UNC5D: variants seen among roughly 807,000 people sequenced by gnomAD.
The protein encoded by UNC5D is unc-5 netrin receptor D, also known as netrin receptor UNC5D.
A neutral mutation model predicts 105.4 loss-of-function variants in UNC5D; 39 were observed. That is an observed-to-expected ratio of 0.37 (90% CI 0.29 to 0.48). The LOEUF (loss-of-function observed/expected upper bound fraction) is 0.48, where lower values mean the gene tolerates loss of function less well. Among genes scored for constraint, UNC5D ranks in the 20% least tolerant of loss-of-function variants. The pLI, the probability that UNC5D is intolerant of heterozygous loss-of-function variation, is 0.98. For synonymous variants in UNC5D, 452 were observed against 450.4 expected, an observed-to-expected ratio of 1.00 and a Z score of -0.04; for missense variants, 991 against 1,202.4, an observed-to-expected ratio of 0.82 and a Z score of 2.60.
chr8:35,562,526 T>A (rs1401406621), intron 2 of UNC5D, among the ~76,000 whole-genome samples: 1 of 152,118 alleles, frequency 6.6e-6, no homozygotes, highest in Admixed American at 6.6e-5. Flanking sequence ...ACAAAACATT[T>A]TAACTGGGGT....
At chr8:35,579,238 C>G (rs1026370767) in intron 3 of UNC5D, among the ~76,000 whole-genome samples, 9 of 152,170 alleles carry the variant, frequency 5.9e-5, no homozygotes, top group Non-Finnish European at 1.5e-5. Context: ...ATTTCACATC[C>G]TTCCACCAGC....
chr8:35,367,128 G>A (rs1158882586), intron 1 of UNC5D, among the ~76,000 whole-genome samples: 3 of 152,072 alleles, frequency 2.0e-5, no homozygotes, highest in Non-Finnish European at 4.4e-5. Context: ...ATCTCTCAGG[G>A]GATATAGTAA....
chr8:35,374,881 C>T (rs1056893740), intron 1 of UNC5D, among the ~76,000 whole-genome samples: 3 of 152,276 alleles, frequency 2.0e-5, no homozygotes, highest in South Asian at 2.1e-4. Context: ...GGAGGTAAGA[C>T]TAGTTTTAAT....
intron 1 of UNC5D, among the ~76,000 whole-genome samples, chr8:35,327,305 A>G (rs1212395076): frequency 6.6e-6 from 1 of 152,156 alleles, no homozygotes; most frequent in Non-Finnish European, 1.5e-5. Flanking sequence ...GGCCTTTCCA[A>G]ATGATTATAA....
At chr8:35,445,214 C>T (rs1807693114) in intron 1 of UNC5D, among the ~76,000 whole-genome samples, 1 of 152,044 alleles carries the variant, frequency 6.6e-6, no homozygotes, top group Non-Finnish European at 1.5e-5. Flanking sequence ...TCCCTCCACT[C>T]TGTCCACTCC....
intron 1 of UNC5D, among the ~76,000 whole-genome samples, chr8:35,345,973 T>G (rs1017487051): frequency 7.2e-5 from 11 of 152,196 alleles, no homozygotes; most frequent in African/African-American, 1.9e-4. Flanking sequence ...TCTCAGGTCA[T>G]GGCGTGTGTT....
chr8:35,280,261 G>A (rs1284303328), intron 1 of UNC5D, among the ~76,000 whole-genome samples: 1 of 152,114 alleles, frequency 6.6e-6, no homozygotes, highest in African/African-American at 2.4e-5. Context: ...CTCCCAAATT[G>A]CTGGGATTAC....
chr8:35,248,741 T>C (rs1284072428), intron 1 of UNC5D, among the ~76,000 whole-genome samples: 1 of 96,960 alleles, frequency 1.0e-5, no homozygotes, highest in South Asian at 3.3e-4. Context: ...ATATAATATA[T>C]ATAAAATATA....
chr8:35,538,440 T>TAC (rs1815030870), intron 1 of UNC5D, among the ~76,000 whole-genome samples: 1 of 123,186 alleles, frequency 8.1e-6, no homozygotes, highest in Non-Finnish European at 1.7e-5. Context: ...TATATATATA[T>TAC]GAATTTTATT....
At chr8:35,309,378 A>G (rs1808696916) in intron 1 of UNC5D, among the ~76,000 whole-genome samples, 4 of 152,142 alleles carry the variant, frequency 2.6e-5, no homozygotes, top group Admixed American at 2.6e-4. Flanking sequence ...TCACATCATC[A>G]TTTGCTCAGG....
intron 1 of UNC5D, among the ~76,000 whole-genome samples, chr8:35,438,677 G>C (rs1449924590): frequency 6.6e-6 from 1 of 151,544 alleles, no homozygotes; most frequent in Non-Finnish European, 1.5e-5. Flanking sequence ...TCTGGCCTTC[G>C]CATAAATTTG....
At chr8:35,630,649 C>T (rs1050219598) in intron 4 of UNC5D, among the ~76,000 whole-genome samples, 7 of 152,040 alleles carry the variant, frequency 4.6e-5, no homozygotes, top group Non-Finnish European at 8.8e-5. Context: ...ATTTTAGGGC[C>T]GTACATACCC....
intron 1 of UNC5D, among the ~76,000 whole-genome samples, chr8:35,518,020 A>G (rs1203472097): frequency 6.6e-6 from 1 of 152,176 alleles, no homozygotes; most frequent in Non-Finnish European, 1.5e-5. Context: ...CTTTGGGATT[A>G]AGATTTCAAC....
intron 7 of UNC5D, among the ~76,000 whole-genome samples, chr8:35,700,316 A>C (rs1827099743): frequency 6.6e-6 from 1 of 151,826 alleles, no homozygotes; most frequent in Admixed American, 6.6e-5. Flanking sequence ...TGTTCCCCCC[A>C]TCTTTTTCTT....
At chr8:35,572,944 C>T (rs1274283494) in intron 3 of UNC5D, among the ~76,000 whole-genome samples, 1 of 151,990 alleles carries the variant, frequency 6.6e-6, no homozygotes, top group Non-Finnish European at 1.5e-5. Flanking sequence ...GCTGGGACTA[C>T]AGGCGCCCGC....
chr8:35,472,531 G>A (rs1809804529), intron 1 of UNC5D, among the ~76,000 whole-genome samples: 1 of 152,080 alleles, frequency 6.6e-6, no homozygotes, highest in Non-Finnish European at 1.5e-5. Context: ...GTGTTTTTAG[G>A]GGAAATCAAG....
intron 1 of UNC5D, among the ~76,000 whole-genome samples, chr8:35,398,047 A>C (rs1246635305): frequency 6.6e-6 from 1 of 152,226 alleles, no homozygotes; most frequent in Non-Finnish European, 1.5e-5. Flanking sequence ...GGGTTTGAAC[A>C]AACTAATTCA....
At chr8:35,294,828 T>C (rs1793225352) in intron 1 of UNC5D, among the ~76,000 whole-genome samples, 1 of 152,142 alleles carries the variant, frequency 6.6e-6, no homozygotes, top group African/African-American at 2.4e-5. Flanking sequence ...ATGGCATGAC[T>C]TTTCTCTGAT....
intron 16 of UNC5D, among the ~76,000 whole-genome samples, chr8:35,785,995 G>A (rs1802725973): frequency 6.6e-6 from 1 of 152,076 alleles, no homozygotes; most frequent in Non-Finnish European, 1.5e-5. Flanking sequence ...TCGCAATAAT[G>A]AAACTTTCTT....
Sources: gnomAD v4.1 joint callset for allele counts (sites outside exome capture counted in the v4.1 genomes callset) on GRCh38, gnomAD v4.1.1 for gene constraint, MANE v1.5 for transcripts, NCBI Gene and HGNC (gene_info 2026-07-23, HGNC 2026-07-21) for gene names.